The following GPCPD1 variants were observed in gnomAD, a reference collection of about 807,000 sequenced individuals.
GPCPD1 encodes the protein glycerophosphocholine phosphodiesterase GPCPD1.
A neutral mutation model predicts 89.2 loss-of-function variants in GPCPD1; 29 were observed. The observed-to-expected ratio is 0.33, with a 90% CI of 0.24 to 0.44. GPCPD1 has a LOEUF of 0.44. Among genes scored for constraint, GPCPD1 ranks in the 20% least tolerant of loss-of-function variants. The pLI is 1.00. For synonymous variants in GPCPD1, 258 were observed against 266.3 expected (o/e 0.97, Z 0.30); for missense variants, 594 against 808.9 (o/e 0.73, Z 3.22).
At chr20:5,582,165 G>T (rs1268640938) in intron 6 of GPCPD1, among the ~76,000 whole-genome samples, 3 of 110,358 alleles carry the variant, frequency 2.7e-5, no homozygotes, top group African/African-American at 3.7e-5. Context: ...CAGCCTGGGC[G>T]ACAGAGCGAG....
At chr20:5,579,051 G>A (rs2122682499) in intron 7 of GPCPD1, among the ~76,000 whole-genome samples, 1 of 135,278 alleles carries the variant, frequency 7.4e-6, no homozygotes, top group African/African-American at 2.9e-5. Flanking sequence ...TCAGGCATGT[G>A]TCACATGCCT....
At position 5,544,629 on chromosome 20, in the gene GPCPD1, T is replaced by C. The variant is rs1304056559; in HGVS notation, c.*3032A>G. On this transcript the variant is annotated 3_prime_UTR_variant, in exon 20 of 20. Coordinates refer to ENST00000379019, the MANE Select transcript of GPCPD1 (RefSeq NM_019593.5). ...GCCAGACTTCGGAAGGCAGCGTAGT[T>C]TGAGAACATGGGATTCAGAGTCACA... 6.6e-6 allele frequency: 1 copy of C among 152,198 alleles called. No homozygotes were observed. Among genetic ancestry groups the C allele is most frequent in the African/African-American group, 2.4e-5 (1 of 41,438 alleles). The allele number at this position is 152,198 out of a possible 1,614,324, so 9.4% of individuals were successfully genotyped here.
chr20:5,593,269 G>C (rs1979460210), intron 4 of GPCPD1, 58 bp downstream of exon 4: 3 of 847,428 alleles, frequency 3.5e-6, no homozygotes, highest in South Asian at 2.8e-5. Flanking sequence ...TCAAACTTAA[G>C]TGAGTTGCTT....
At chr20:5,575,350 C>T (rs1978286489) in intron 10 of GPCPD1, 63 bp downstream of exon 10, 1 of 1,117,728 alleles carries the variant, frequency 8.9e-7, no homozygotes, top group East Asian at 2.5e-5. Context: ...CTGAGAAAAC[C>T]AGTGTAACTC....
chr20:5,575,091 C>T (rs576935781), intron 10 of GPCPD1, among the ~76,000 whole-genome samples: 27 of 149,320 alleles, frequency 1.8e-4, no homozygotes, highest in Admixed American at 1.5e-3. Flanking sequence ...TTTATAGATG[C>T]GGAAACTCAG....
At chr20:5,590,755 G>A (rs1391849762) in intron 4 of GPCPD1, among the ~76,000 whole-genome samples, 2 of 152,002 alleles carry the variant, frequency 1.3e-5, no homozygotes, top group African/African-American at 4.8e-5. Flanking sequence ...ATTATCTATC[G>A]CAGGTGACTG....
At position 5,558,067 on chromosome 20, in the gene GPCPD1, T is replaced by C. The variant is rs754715805; in HGVS notation, c.1707A>G (p.Pro569=). 2 of 1,603,452 alleles carry C rather than the reference T, an allele frequency of 1.2e-6. No homozygotes were observed. Among genetic ancestry groups the C allele is most frequent in the South Asian group, 2.2e-5 (2 of 90,346 alleles). ...NVHTEDLLRN[P]SYIQEAKAKG... is the part of the protein sequence containing the mutation. ...TAGCTTTTGCCTCTTGAATATAGGA[T>C]GGGTTTCTGAGCAAGTCTTCAGTAT... The change falls in exon 19 of 20, where the codon CCA becomes CCG. Residue 569 remains proline, a synonymous_variant. Transcript: ENST00000379019.
intron 3 of GPCPD1, among the ~76,000 whole-genome samples, chr20:5,593,904 A>G (rs1013752267): frequency 2.0e-5 from 3 of 152,230 alleles, no homozygotes; most frequent in Non-Finnish European, 2.9e-5. Context: ...TTGTGTCACA[A>G]ATGAGAGATA....
rs765818565 is a variant in GPCPD1 at position 5,578,334 on chromosome 20, T to C, written c.705+46A>G. 9 of 1,128,302 alleles carry C rather than the reference T, an allele frequency of 8.0e-6. No individual in the cohort carries two copies. The South Asian group carries it at 9.9e-5, about 12-fold the overall frequency. 69.9% of individuals were successfully genotyped at this position (1,128,302 alleles called of 1,614,324 possible). On this transcript the variant is annotated intron_variant, in intron 8 of 19. Transcript: ENST00000379019. ...ATCAAAACCAACGTTAAAATAAGCT[T>C]GTCCCTGCATTCTTTCTCAATCCCC...
rs1170907356 is a variant in GPCPD1 at position 5,561,550 on chromosome 20, T to TAA, written c.1330-22_1330-21dup. On this transcript the variant is annotated intron_variant, in intron 15 of 19. Transcript: ENST00000379019. ...TAAAACCTACAGTTTTGTTTGTTGG[T>TAA]AAATTTTGTTTTTGATGAGATGGAT... is the stretch of plus-strand genomic sequence containing the variant. The TAA allele has an allele frequency of 2.0e-6, 3 of 1,504,326 alleles. No homozygotes were observed. The African/African-American group carries it at 4.1e-5, about 21-fold the overall frequency. The allele number at this position is 1,504,326 out of a possible 1,614,324, so 93.2% of individuals were successfully genotyped here.
intron 2 of GPCPD1, among the ~76,000 whole-genome samples, chr20:5,600,147 A>T (rs1228841003): frequency 1.3e-5 from 2 of 152,260 alleles, no homozygotes; most frequent in African/African-American, 4.8e-5. Context: ...GCACTGCTCT[A>T]GTAAGACTAG....
chr20:5,608,186 G>C (rs943470977), intron 1 of GPCPD1, among the ~76,000 whole-genome samples: 2 of 152,144 alleles, frequency 1.3e-5, no homozygotes, highest in African/African-American at 4.8e-5. Flanking sequence ...GAAATGAACT[G>C]ATTATAGAAA....
intron 8 of GPCPD1, among the ~76,000 whole-genome samples, chr20:5,576,734 G>A (rs959479960): frequency 6.6e-6 from 1 of 151,982 alleles, no homozygotes; most frequent in Non-Finnish European, 1.5e-5. Flanking sequence ...GTGTCACATG[G>A]GATAGGAACT....
At chr20:5,548,910 G>A in intron 19 of GPCPD1, 1 of 1,037,910 alleles carries the variant, frequency 9.6e-7, no homozygotes, top group Non-Finnish European at 1.4e-6. Flanking sequence ...CTAATCAGGA[G>A]GTTGCTAACC....
intron 1 of GPCPD1, among the ~76,000 whole-genome samples, chr20:5,605,587 T>C (rs1980527054): frequency 6.6e-6 from 1 of 152,144 alleles, no homozygotes; most frequent in African/African-American, 2.4e-5. Flanking sequence ...AAGACCAGCC[T>C]GACCAACATG....
At chr20:5,560,152 C>A in intron 16 of GPCPD1, 76 bp from the exon 17 acceptor site, 1 of 1,054,272 alleles carries the variant, frequency 9.5e-7, no homozygotes, top group Non-Finnish European at 1.3e-6. Flanking sequence ...TTTATTCTGG[C>A]AAGCTATGAT....
At chr20:5,575,768 A>T in intron 9 of GPCPD1, 48 bp downstream of exon 9, 1 of 1,282,282 alleles carries the variant, frequency 7.8e-7, no homozygotes, top group Non-Finnish European at 1.1e-6. Flanking sequence ...GAAACTAATT[A>T]AAATTCTAAC....
chr20:5,579,451 G>A (rs541229259), intron 7 of GPCPD1, among the ~76,000 whole-genome samples: 8 of 152,250 alleles, frequency 5.3e-5, no homozygotes, highest in Non-Finnish European at 8.8e-5. Context: ...GGGTTCAAGC[G>A]ATTCTCCTGC....
chr20:5,592,347 G>T (rs1979387555), intron 4 of GPCPD1, among the ~76,000 whole-genome samples: 1 of 152,152 alleles, frequency 6.6e-6, no homozygotes, highest in Non-Finnish European at 1.5e-5. Context: ...CTATTGTCAA[G>T]AAAAGCCAAC....
Sources: gnomAD v4.1 joint callset for allele counts (sites outside exome capture counted in the v4.1 genomes callset) on GRCh38, gnomAD v4.1.1 for gene constraint, MANE v1.5 for transcripts, NCBI Gene and HGNC (gene_info 2026-07-23, HGNC 2026-07-21) for gene names.